The following CCDC102B variants were observed in gnomAD, a reference collection of about 807,000 sequenced individuals.
CCDC102B encodes the protein coiled-coil domain containing 102B, also known as coiled-coil domain-containing protein 102B.
In CCDC102B, 75 loss-of-function variants were observed where a neutral mutation model predicts 57.4. The observed-to-expected ratio is 1.31, with a 90% CI of 1.08 to 1.58. The LOEUF is 1.58. Among genes scored for constraint, CCDC102B ranks in the 40% most tolerant of loss-of-function variants. The probability of loss-of-function intolerance (pLI) is 0.00; values close to 1 mark genes in which losing one functional copy is unlikely to be tolerated. For synonymous variants in CCDC102B, 206 were observed against 201.9 expected (o/e 1.02, Z -0.17); for missense variants, 636 against 582.6 (o/e 1.09, Z -0.94).
intron 5 of CCDC102B, among the ~76,000 whole-genome samples, chr18:68,879,694 A>G (rs1307847901): frequency 6.6e-6 from 1 of 151,882 alleles, no homozygotes; most frequent in African/African-American, 2.4e-5. Flanking sequence ...CAGAGTGCCG[A>G]TTGGTGTATT....
chr18:68,916,360 A>G (rs976984056), intron 6 of CCDC102B, among the ~76,000 whole-genome samples: 1 of 152,172 alleles, frequency 6.6e-6, no homozygotes, highest in African/African-American at 2.4e-5. Context: ...CCACTGTCCC[A>G]TCAGCTCACT....
chr18:68,746,745 A>G (rs569267450), intron 2 of CCDC102B, among the ~76,000 whole-genome samples: 61 of 152,010 alleles, frequency 4.0e-4, no homozygotes, highest in African/African-American at 1.4e-3. Context: ...TTTTTTTTAA[A>G]AAATGATAGT....
intron 1 of CCDC102B, among the ~76,000 whole-genome samples, chr18:68,829,905 T>C (rs1457581674): frequency 6.6e-6 from 1 of 151,944 alleles, no homozygotes; most frequent in African/African-American, 2.4e-5. Context: ...AACAAATAAA[T>C]AGATTTTAAA....
intron 6 of CCDC102B, among the ~76,000 whole-genome samples, chr18:68,998,918 C>G (rs985677648): frequency 6.7e-6 from 1 of 148,556 alleles, no homozygotes; most frequent in Non-Finnish European, 1.5e-5. Flanking sequence ...TGCTTTGCAT[C>G]CTTCAATCCA....
At chr18:69,039,767 T>G (rs1351733683) in intron 7 of CCDC102B, among the ~76,000 whole-genome samples, 1 of 151,952 alleles carries the variant, frequency 6.6e-6, no homozygotes, top group Non-Finnish European at 1.5e-5. Context: ...GTCTCTATTT[T>G]GTAGAATTGT....
intron 7 of CCDC102B, among the ~76,000 whole-genome samples, chr18:69,015,151 C>G (rs72959940): frequency 1.3e-4 from 20 of 152,216 alleles, no homozygotes; most frequent in Non-Finnish European, 2.8e-4. Flanking sequence ...ATTTAGGAAT[C>G]GTAGTATCAC....
intron 2 of CCDC102B, among the ~76,000 whole-genome samples, chr18:68,739,033 C>T (rs2033271623): frequency 6.9e-6 from 1 of 145,118 alleles, no homozygotes; most frequent in South Asian, 2.4e-4. Context: ...TTGCTGTCAC[C>T]CAGGCTGGAG....
chr18:69,020,230 G>A (rs1177815387), intron 7 of CCDC102B, among the ~76,000 whole-genome samples: 2 of 152,068 alleles, frequency 1.3e-5, no homozygotes, highest in African/African-American at 4.8e-5. Flanking sequence ...TGCATAGGAT[G>A]AGATTTAGCA....
chr18:68,770,750 T>C (rs1183650571), intron 2 of CCDC102B, among the ~76,000 whole-genome samples: 1 of 152,258 alleles, frequency 6.6e-6, no homozygotes, highest in Non-Finnish European at 1.5e-5. Context: ...CAAGGAAGCC[T>C]GTGTAATTTT....
chr18:68,979,360 A>G (rs774883736), intron 6 of CCDC102B, among the ~76,000 whole-genome samples: 1 of 152,148 alleles, frequency 6.6e-6, no homozygotes, highest in South Asian at 2.1e-4. Flanking sequence ...GTAATTCTGG[A>G]AAAATACAAA....
intron 2 of CCDC102B, among the ~76,000 whole-genome samples, chr18:68,790,341 G>A (rs1211894447): frequency 8.6e-5 from 13 of 151,268 alleles, no homozygotes; most frequent in Non-Finnish European, 1.5e-4. Flanking sequence ...GCCTCCTTGA[G>A]CTGTGGTGGG....
At chr18:68,805,450 A>T (rs1378455204) in intron 1 of CCDC102B, among the ~76,000 whole-genome samples, 2 of 152,172 alleles carry the variant, frequency 1.3e-5, no homozygotes, top group South Asian at 4.1e-4. Context: ...ATTCACTGAC[A>T]TTAGAGTTTC....
chr18:68,748,254 GTGTT>G (rs1220525479), intron 2 of CCDC102B, among the ~76,000 whole-genome samples: 3 of 131,312 alleles, frequency 2.3e-5, no homozygotes, highest in Non-Finnish European at 5.0e-5. Context: ...GTGTGTGTGT[GTGTT>G]TGCTATTGAG....
At chr18:68,741,518 G>C (rs2033380539) in intron 2 of CCDC102B, among the ~76,000 whole-genome samples, 1 of 152,162 alleles carries the variant, frequency 6.6e-6, no homozygotes, top group African/African-American at 2.4e-5. Context: ...GATGGGGATA[G>C]AGTTGTGCTA....
intron 7 of CCDC102B, among the ~76,000 whole-genome samples, chr18:69,049,175 T>C (rs2145493252): frequency 6.6e-6 from 1 of 152,200 alleles, no homozygotes; most frequent in African/African-American, 2.4e-5. Context: ...TCTCTCCTAA[T>C]GGTATCCGTC....
chr18:68,776,252 T>C (rs1270536425), intron 2 of CCDC102B, among the ~76,000 whole-genome samples: 1 of 152,224 alleles, frequency 6.6e-6, no homozygotes, highest in Non-Finnish European at 1.5e-5. Flanking sequence ...TTTTGAAAAT[T>C]TCAATCATTT....
chr18:68,775,653 A>ATTT lies in CCDC102B; in HGVS notation c.-66-47693_-66-47691dup, dbSNP rs369282225. Among the ~76,000 whole-genome samples, 394 of 115,474 alleles carry ATTT rather than the reference A, an allele frequency of 3.4e-3. 6 individuals are homozygous for ATTT. The highest frequency in any genetic ancestry group is 0.012 in the African/African-American group (346 of 29,408). The allele number at this position is 115,474 out of a possible 152,430, so 75.8% of individuals were successfully genotyped here. The stretch of plus-strand genomic sequence containing the variant: ...GCTAGTAGGCATCGATAACTCCTGG[A>ATTT]TTTTTTTTTTTTTTTTTTTTTTAAG... On this transcript the variant is annotated intron_variant, in intron 2 of 3. Transcript: ENST00000578970.
At chr18:68,946,282 G>A (rs183366978) in intron 6 of CCDC102B, among the ~76,000 whole-genome samples, 3 of 152,070 alleles carry the variant, frequency 2.0e-5, no homozygotes, top group African/African-American at 4.8e-5. Flanking sequence ...TTAGCAACAC[G>A]TATTCATATA....
intron 7 of CCDC102B, among the ~76,000 whole-genome samples, chr18:69,032,480 A>G (rs921339402): frequency 1.3e-5 from 2 of 152,204 alleles, no homozygotes; most frequent in African/African-American, 2.4e-5. Flanking sequence ...TGCAACCCCA[A>G]GTGAATTTTA....
Sources: allele counts gnomAD v4.1 joint callset (sites outside exome capture counted in the v4.1 genomes callset), GRCh38; gene constraint gnomAD v4.1.1; transcripts MANE v1.5; gene names NCBI Gene and HGNC (gene_info 2026-07-23, HGNC 2026-07-21).